Variants in SYT1 observed in about 807,000 individuals in gnomAD.
SYT1 encodes the protein synaptotagmin-1.
A neutral mutation model predicts 44.8 loss-of-function variants in SYT1; 8 were observed. The ratio of observed to expected loss-of-function variants is 0.18; its 90% CI spans 0.10 to 0.32. SYT1 has a LOEUF of 0.32. Among genes scored for constraint, SYT1 ranks in the 10% least tolerant of loss-of-function variants. The probability of loss-of-function intolerance (pLI) is 1.00; values close to 1 mark genes in which losing one functional copy is unlikely to be tolerated. For synonymous variants in SYT1, 154 were observed against 188.8 expected, an observed-to-expected ratio of 0.82 and a Z score of 1.51; for missense variants, 286 against 509.3, an observed-to-expected ratio of 0.56 and a Z score of 4.22.
intron 3 of SYT1, among the ~76,000 whole-genome samples, chr12:79,155,430 A>G (rs1426528388): frequency 6.6e-6 from 1 of 152,134 alleles, no homozygotes; most frequent in African/African-American, 2.4e-5. Context: ...CTCAGCTGTA[A>G]TCATTGTCTC....
chr12:79,217,777 A>G (rs1482434641), intron 4 of SYT1, 92 bp downstream of exon 4: 4 of 983,770 alleles, frequency 4.1e-6, no homozygotes, highest in East Asian at 2.9e-5. Context: ...TTGATATACT[A>G]TAAATTTACA....
chr12:79,179,157 T>C lies in SYT1; in HGVS notation c.-17-38346T>C, dbSNP rs1023759392. 2.4e-5 allele frequency among the ~76,000 whole-genome samples: 2 copies of C among 83,026 alleles called. 1 individual carries two copies. The highest frequency in any genetic ancestry group is 9.9e-4 in the South Asian group (2 of 2,016). The allele number at this position is 83,026 out of a possible 152,430, so 54.5% of individuals were successfully genotyped here. A position where few individuals can be genotyped will look rare whatever the true frequency, so the allele number is the denominator to read the frequency against. ...ATAGATATAGATATAGATATATAGA[T>C]ATATAGATATAGATATAGATATATA... On this transcript the variant is annotated intron_variant, in intron 3 of 10. Transcript: ENST00000261205.
At position 79,073,859 on chromosome 12, in the gene SYT1, A is replaced by G. The variant is rs372272673; in HGVS notation, c.-18+26497A>G. ...TCAGCACAGGCACCTATCTGTCTTC[A>G]TATATAGCTTACTTATAAACCAAAC... is the stretch of plus-strand genomic sequence containing the variant. On this transcript the variant is annotated intron_variant, in intron 3 of 10. Transcript: ENST00000261205. Among the ~76,000 whole-genome samples the G allele has an allele frequency of 7.2e-5, 11 of 152,222 alleles. No individual in the cohort carries two copies. In the East Asian group the frequency reaches 2.1e-3, roughly 29 times the overall value.
At chr12:79,233,774 G>A (rs954128080) in intron 4 of SYT1, among the ~76,000 whole-genome samples, 11 of 152,202 alleles carry the variant, frequency 7.2e-5, no homozygotes, top group African/African-American at 2.4e-4. Flanking sequence ...TGCTACTGAC[G>A]TGAAAGGCAA....
chr12:79,336,228 C>A (rs959729754), intron 8 of SYT1, among the ~76,000 whole-genome samples: 2 of 152,176 alleles, frequency 1.3e-5, no homozygotes, highest in South Asian at 4.1e-4. Flanking sequence ...TAATTAGGGT[C>A]CTGCCACATA....
chr12:79,305,058 G>A (rs73152032), intron 8 of SYT1, among the ~76,000 whole-genome samples: 3,680 of 152,112 alleles, frequency 0.024, 68 homozygotes, highest in South Asian at 0.037. Flanking sequence ...TATCCACTTC[G>A]TGATGTGGTT....
chr12:79,064,994 AAG>A (rs1175528581), intron 3 of SYT1, among the ~76,000 whole-genome samples: 3 of 145,418 alleles, frequency 2.1e-5, no homozygotes, highest in Non-Finnish European at 4.6e-5. Flanking sequence ...GAAAGAAAGA[AAG>A]AAAAGGAAAC....
At chr12:79,045,001 G>C (rs976432971) in intron 2 of SYT1, among the ~76,000 whole-genome samples, 3 of 152,170 alleles carry the variant, frequency 2.0e-5, no homozygotes, top group African/African-American at 7.2e-5. Context: ...GCTGCGTGCT[G>C]GGAGAACCAC....
intron 8 of SYT1, 145 bp from the exon 9 acceptor site, chr12:79,353,357 G>T: frequency 1.7e-6 from 1 of 589,878 alleles, no homozygotes. Flanking sequence ...GTCAATGAAA[G>T]GCCACTGTGT....
intron 9 of SYT1, among the ~76,000 whole-genome samples, chr12:79,398,154 A>G (rs1884941713): frequency 6.6e-6 from 1 of 152,178 alleles, no homozygotes; most frequent in Non-Finnish European, 1.5e-5. Flanking sequence ...GGCCAGTCTG[A>G]TCCACAGAAT....
intron 9 of SYT1, among the ~76,000 whole-genome samples, chr12:79,403,619 A>G (rs1885145381): frequency 6.6e-6 from 1 of 152,152 alleles, no homozygotes; most frequent in Non-Finnish European, 1.5e-5. Flanking sequence ...CCCATAAAAT[A>G]CCTCAGTGGG....
chr12:79,011,670 A>C (rs1227481297), intron 2 of SYT1, among the ~76,000 whole-genome samples: 3 of 151,462 alleles, frequency 2.0e-5, no homozygotes, highest in Non-Finnish European at 4.4e-5. Context: ...AAAAAAAAAA[A>C]AAAAAAACAC....
At chr12:79,421,473 T>A (rs964737464) in intron 9 of SYT1, among the ~76,000 whole-genome samples, 1 of 152,120 alleles carries the variant, frequency 6.6e-6, no homozygotes, top group Non-Finnish European at 1.5e-5. Context: ...TTTGGAAAAA[T>A]GCTAGCATAG....
intron 3 of SYT1, among the ~76,000 whole-genome samples, chr12:79,097,030 A>T (rs1022837540): frequency 6.6e-6 from 1 of 152,052 alleles, no homozygotes; most frequent in African/African-American, 2.4e-5. Flanking sequence ...CGGAAGAGAC[A>T]TTATTGACTG....
chr12:78,895,758 A>C (rs17045883), intron 1 of SYT1, among the ~76,000 whole-genome samples: 12,443 of 151,882 alleles, frequency 0.082, 597 homozygotes, highest in African/African-American at 0.13. Flanking sequence ...CTAAAATATT[A>C]TTTCAAGTTT....
chr12:79,042,931 C>T (rs1027394671), intron 2 of SYT1, among the ~76,000 whole-genome samples: 7 of 151,246 alleles, frequency 4.6e-5, no homozygotes, highest in Non-Finnish European at 7.4e-5. Flanking sequence ...TGTAGTTGAG[C>T]GGTTTTGAAT....
chr12:79,400,766 C>T (rs1292703101), intron 9 of SYT1, among the ~76,000 whole-genome samples: 1 of 152,206 alleles, frequency 6.6e-6, no homozygotes, highest in Non-Finnish European at 1.5e-5. Context: ...CCTTTGTACT[C>T]ACTGTTGCCT....
chr12:78,990,568 A>G (rs1869950748), intron 2 of SYT1, among the ~76,000 whole-genome samples: 1 of 152,160 alleles, frequency 6.6e-6, no homozygotes, highest in South Asian at 2.1e-4. Context: ...GCCATATCAC[A>G]CGGTATTGTG....
At chr12:79,284,989 C>G in intron 4 of SYT1, among the ~76,000 whole-genome samples, 1 of 152,066 alleles carries the variant, frequency 6.6e-6, no homozygotes, top group East Asian at 1.9e-4. Flanking sequence ...GAGGAGGAAA[C>G]AGAAACTCAG....
Sources: gnomAD v4.1 joint callset for allele counts (sites outside exome capture counted in the v4.1 genomes callset) on GRCh38, gnomAD v4.1.1 for gene constraint, MANE v1.5 for transcripts, NCBI Gene and HGNC (gene_info 2026-07-23, HGNC 2026-07-21) for gene names.